Variants in MRRF observed in about 807,000 individuals in gnomAD.
MRRF encodes mitochondrial ribosome recycling factor, also known as ribosome-recycling factor, mitochondrial.
MRRF carries 18 observed loss-of-function variants against 25.1 expected under a neutral mutation model. That is an observed-to-expected ratio of 0.72 (90% CI 0.50 to 1.06). The LOEUF (loss-of-function observed/expected upper bound fraction) is 1.06. MRRF is among the 50% of genes least tolerant of loss of function. MRRF has a pLI of 0.00. For missense variants in MRRF, 323 were observed against 319.3 expected (o/e 1.01, Z -0.09); for synonymous variants, 113 against 112.1 (o/e 1.01, Z -0.05).
At chr9:122,280,124 GTTACTATTCTT>G (rs1564478122) in intron 2 of MRRF, among the ~76,000 whole-genome samples, 1 of 152,156 alleles carries the variant, frequency 6.6e-6, no homozygotes, top group Non-Finnish European at 1.5e-5. Context: ...CAATATAGAT[GTTACTATTCTT>G]TTACAGGTAG....
chr9:122,312,710 A>G (rs1835281028), intron 5 of MRRF, among the ~76,000 whole-genome samples: 1 of 152,174 alleles, frequency 6.6e-6, no homozygotes, highest in Non-Finnish European at 1.5e-5. Context: ...CATTTTCTTC[A>G]TCTGTAAAAC....
intron 4 of MRRF, 92 bp from the exon 5 acceptor site, chr9:122,291,657 T>TGG: frequency 1.1e-6 from 1 of 884,296 alleles, no homozygotes; most frequent in South Asian, 1.3e-5. Context: ...GTTTCCATGT[T>TGG]CTGCCAAGAT....
chr9:122,274,997 T>A (rs1369048279), intron 2 of MRRF, among the ~76,000 whole-genome samples: 1 of 152,146 alleles, frequency 6.6e-6, no homozygotes, highest in Non-Finnish European at 1.5e-5. Flanking sequence ...TTTTTTTCTT[T>A]GAAAAATTTT....
At chr9:122,307,186 C>T (rs1004658337) in intron 5 of MRRF, among the ~76,000 whole-genome samples, 4 of 152,306 alleles carry the variant, frequency 2.6e-5, no homozygotes, top group Middle Eastern at 6.8e-3. Context: ...AACAGTGAAG[C>T]AGGAACGTGG....
chr9:122,300,069 A>T (rs1834354668), intron 5 of MRRF, among the ~76,000 whole-genome samples: 1 of 152,180 alleles, frequency 6.6e-6, no homozygotes, highest in African/African-American at 2.4e-5. Context: ...GAGAAAGGGA[A>T]GGAAGAGGGT....
At chr9:122,302,393 T>G (rs1000310839) in intron 5 of MRRF, among the ~76,000 whole-genome samples, 6 of 152,242 alleles carry the variant, frequency 3.9e-5, no homozygotes, top group Admixed American at 2.0e-4. Context: ...CTATTACTAA[T>G]CCACTTTTCT....
intron 5 of MRRF, among the ~76,000 whole-genome samples, chr9:122,297,529 CTT>C (rs1834166644): frequency 1.3e-5 from 2 of 151,820 alleles, no homozygotes; most frequent in Non-Finnish European, 2.9e-5. Context: ...CTTCCTCACT[CTT>C]TTTCTAAAGG....
chr9:122,274,222 A>T (rs1832635760), intron 2 of MRRF, among the ~76,000 whole-genome samples: 1 of 152,228 alleles, frequency 6.6e-6, no homozygotes, highest in South Asian at 2.1e-4. Flanking sequence ...TGGAGAAATC[A>T]TATTACCTGA....
At chr9:122,294,303 G>A (rs1356514701) in intron 5 of MRRF, among the ~76,000 whole-genome samples, 1 of 152,204 alleles carries the variant, frequency 6.6e-6, no homozygotes, top group African/African-American at 2.4e-5. Flanking sequence ...AGATCTGGTT[G>A]ACATAACATG....
intron 6 of MRRF, among the ~76,000 whole-genome samples, chr9:122,318,021 C>T (rs548644735): frequency 6.6e-6 from 1 of 152,178 alleles, no homozygotes; most frequent in Admixed American, 6.5e-5. Context: ...TCTGTAGTCC[C>T]AGCTACTCGG....
intron 3 of MRRF, among the ~76,000 whole-genome samples, chr9:122,283,030 T>C (rs1833173343): frequency 6.6e-6 from 1 of 152,062 alleles, no homozygotes; most frequent in Non-Finnish European, 1.5e-5. Context: ...GGACACAGTT[T>C]AAATGCTTTT....
rs1329582076 is a variant in MRRF, at chr9:122,327,792, C to CT, written c.*5177dup. The CT allele has an allele frequency of 8.0e-5, 12 of 150,656 alleles. No individual in the cohort carries two copies. The highest frequency in any genetic ancestry group is 2.4e-4 in the African/African-American group (10 of 41,112). The allele number at this position is 150,656 out of a possible 1,614,324, so 9.3% of individuals were successfully genotyped here. A position where few individuals can be genotyped will look rare whatever the true frequency, so the allele number is the denominator to read the frequency against. On this transcript the variant is annotated 3_prime_UTR_variant, in exon 7 of 7. Coordinates refer to ENST00000344641, the MANE Select transcript of MRRF (RefSeq NM_138777.5). ...CTTGTTGTATATCAGGATTACAGCT[C>CT]TTGCTTGCTTTTTGTTTACATTTGC...
chr9:122,265,692 A>G (rs1832026860), intron 1 of MRRF: 4 of 1,120,912 alleles, frequency 3.6e-6, no homozygotes, highest in Non-Finnish European at 4.8e-6. Context: ...CACTTGGTAC[A>G]AGTCACAAGT....
chr9:122,326,848 GA>G lies in MRRF; in HGVS notation c.*4238del, dbSNP rs992870976. Reference sequence around the variant, plus strand: ...GTTATGATTATCTGTGTTTTTCTGTGAAAAAAACAGGTTCAGAAAGGATATT... The same window carrying G: ...GTTATGATTATCTGTGTTTTTCTGTGAAAAAACAGGTTCAGAAAGGATATT... On this transcript the variant is annotated 3_prime_UTR_variant, in exon 7 of 7. Transcript: ENST00000344641. 6.6e-6 allele frequency: 1 copy of G among 152,046 alleles called. No individual in the cohort carries two copies. The highest frequency in any genetic ancestry group is 6.5e-5 in the Admixed American group (1 of 15,280). 9.4% of individuals were successfully genotyped at this position (152,046 alleles called of 1,614,324 possible). A position where few individuals can be genotyped will look rare whatever the true frequency, so the allele number is the denominator to read the frequency against.
At chr9:122,275,943 T>C (rs1832744319) in intron 2 of MRRF, among the ~76,000 whole-genome samples, 1 of 152,180 alleles carries the variant, frequency 6.6e-6, no homozygotes. Context: ...AGTCTCCCTC[T>C]GTCACCCAGA....
intron 5 of MRRF, among the ~76,000 whole-genome samples, chr9:122,302,161 A>G (rs1415631224): frequency 6.6e-6 from 1 of 152,204 alleles, no homozygotes; most frequent in Non-Finnish European, 1.5e-5. Flanking sequence ...TGAGAACTAG[A>G]TAGGCATATG....
intron 2 of MRRF, among the ~76,000 whole-genome samples, chr9:122,276,619 G>A (rs1274415712): frequency 1.3e-5 from 2 of 152,156 alleles, no homozygotes; most frequent in African/African-American, 4.8e-5. Flanking sequence ...TGTTCAGAAG[G>A]CATGTTCTAT....
intron 1 of MRRF, among the ~76,000 whole-genome samples, chr9:122,268,492 T>C (rs1367938629): frequency 6.6e-6 from 1 of 152,240 alleles, no homozygotes; most frequent in Non-Finnish European, 1.5e-5. Context: ...AACCTAGATA[T>C]AGAAACTTCA....
chr9:122,316,867 T>C (rs1320542025), intron 6 of MRRF, among the ~76,000 whole-genome samples: 1 of 151,546 alleles, frequency 6.6e-6, no homozygotes, highest in South Asian at 2.1e-4. Context: ...TGAGAACATA[T>C]AGTATATATA....
Sources: gnomAD v4.1 joint callset for allele counts (sites outside exome capture counted in the v4.1 genomes callset) on GRCh38, gnomAD v4.1.1 for gene constraint, MANE v1.5 for transcripts, NCBI Gene and HGNC (gene_info 2026-07-23, HGNC 2026-07-21) for gene names.